The following GLIS3 variants were observed in gnomAD, a reference collection of about 807,000 sequenced individuals.
The protein encoded by GLIS3 is zinc finger protein GLIS3.
Under a neutral mutation model 78.6 loss-of-function variants are expected in GLIS3, and 53 were observed. That is an observed-to-expected ratio of 0.67 (90% CI 0.54 to 0.85). GLIS3 has a LOEUF of 0.85. GLIS3 is among the 40% of genes least tolerant of loss of function. The pLI is 0.00. For synonymous variants in GLIS3, 684 were observed against 509.9 expected (o/e 1.34, Z -4.60); for missense variants, 1,703 against 1,231.1 (o/e 1.38, Z -5.74).
chr9:3,925,940 G>T (rs984767116), intron 6 of GLIS3, among the ~76,000 whole-genome samples: 2 of 152,132 alleles, frequency 1.3e-5, no homozygotes, highest in Admixed American at 1.3e-4. Flanking sequence ...CAGTTTCCAA[G>T]AACCTACTGA....
At chr9:4,410,982 G>T in the GLIS3 span, among the ~76,000 whole-genome samples, 2 of 152,052 alleles carry the variant, frequency 1.3e-5, no homozygotes, top group African/African-American at 4.8e-5. Context: ...CCTAAAAAGG[G>T]TTATAATTCC....
chr9:4,286,415 C>T lies in GLIS3; in HGVS notation c.11G>A (p.Arg4Lys), dbSNP rs1461118274. Residue 4 changes from arginine to lysine, a missense_variant, in exon 2 of 11, where the codon AGA (arginine) becomes AAA (lysine). Physicochemically the swap from Arg to Lys is conservative, Grantham distance 26. Transcript: ENST00000381971. ...CCGGTGGAGACTCATGCTGCATGAT[C>T]TTCCATTCATTCTGAAAAACCTGTG... The part of the protein sequence containing the change: MNG[R>K]SCSMSLHRTS... 2 of 1,614,038 alleles carry T rather than the reference C, an allele frequency of 1.2e-6. No homozygotes were observed. Among genetic ancestry groups the T allele is most frequent in the African/African-American group, 1.3e-5 (1 of 75,048 alleles).
intron 2 of GLIS3, among the ~76,000 whole-genome samples, chr9:4,212,530 C>A (rs1397000332): frequency 6.6e-6 from 1 of 152,136 alleles, no homozygotes; most frequent in Non-Finnish European, 1.5e-5. Context: ...GTGTGTGCTA[C>A]AACAGGGGCA....
At position 3,871,550 on chromosome 9, in the gene GLIS3, T is replaced by A. The variant is rs886334889; in HGVS notation, c.2297+7877A>T. Among the ~76,000 whole-genome samples, 4 of 152,328 alleles carry A rather than the reference T, an allele frequency of 2.6e-5. No individual in the cohort carries two copies. In the East Asian group the frequency reaches 7.7e-4, roughly 29 times the overall value. On this transcript the variant is annotated intron_variant, in intron 8 of 10. Transcript: ENST00000381971. ...CAAACCTCAGTTCTTGACTTCTGTG[T>A]ACCCGCAGGCTCAACACCACATGGA...
chr9:4,413,574 T>C, the GLIS3 span, among the ~76,000 whole-genome samples: 1 of 152,082 alleles, frequency 6.6e-6, no homozygotes, highest in Admixed American at 6.6e-5. Flanking sequence ...GGGTAATCAT[T>C]AGCTTGCCAA....
At chr9:4,074,804 G>C (rs1301554371) in intron 4 of GLIS3, among the ~76,000 whole-genome samples, 1 of 152,104 alleles carries the variant, frequency 6.6e-6, no homozygotes, top group Non-Finnish European at 1.5e-5. Context: ...CATGATCTTG[G>C]TAACGAGATC....
the GLIS3 span, among the ~76,000 whole-genome samples, chr9:4,489,592 C>T: frequency 2.6e-5 from 4 of 152,148 alleles, no homozygotes; most frequent in African/African-American, 9.7e-5. Flanking sequence ...ATCAGAAATT[C>T]ACTTAGCAAC....
intron 4 of GLIS3, among the ~76,000 whole-genome samples, chr9:4,093,788 T>C (rs369946366): frequency 6.6e-6 from 1 of 152,116 alleles, no homozygotes; most frequent in African/African-American, 2.4e-5. Context: ...TATCTATATA[T>C]ATATTTTTAA....
chr9:4,057,852 T>C (rs1826276361), intron 4 of GLIS3, among the ~76,000 whole-genome samples: 1 of 152,174 alleles, frequency 6.6e-6, no homozygotes, highest in South Asian at 2.1e-4. Flanking sequence ...GTCTTGATGA[T>C]GGGCTTATGC....
At chr9:4,269,905 C>G (rs564201399) in intron 2 of GLIS3, among the ~76,000 whole-genome samples, 2 of 149,534 alleles carry the variant, frequency 1.3e-5, no homozygotes, top group Middle Eastern at 6.8e-3. Flanking sequence ...CAAGCCCAAA[C>G]AGAGTACCTA....
chr9:4,099,945 C>A (rs531583487), intron 4 of GLIS3, among the ~76,000 whole-genome samples: 28 of 152,270 alleles, frequency 1.8e-4, no homozygotes, highest in African/African-American at 6.5e-4. Context: ...TTCACTTGGG[C>A]AATTCTCTCA....
At chr9:4,324,287 G>A (rs890522320) in intron 2 of GLIS3, among the ~76,000 whole-genome samples, 2 of 152,192 alleles carry the variant, frequency 1.3e-5, no homozygotes, top group African/African-American at 4.8e-5. Context: ...AGCTTAGGAT[G>A]CTGACTTTTC....
chr9:4,181,551 T>C (rs1817325308), intron 2 of GLIS3, among the ~76,000 whole-genome samples: 6 of 152,212 alleles, frequency 3.9e-5, no homozygotes, highest in Admixed American at 2.6e-4. Flanking sequence ...ATTTAGAAAT[T>C]TTCCCACCAA....
chr9:3,952,351 C>A lies in GLIS3; in HGVS notation c.1711-15162G>T, dbSNP rs535129522. 1.4e-4 allele frequency among the ~76,000 whole-genome samples: 22 copies of A among 152,186 alleles called. 1 individual carries two copies. In the South Asian group the frequency reaches 2.7e-3, roughly 19 times the overall value. On this transcript the variant is annotated intron_variant, in intron 4 of 10. Transcript: ENST00000381971. ...CTTGTGGCTGATTTGAACCAGAAGC[C>A]CCCCCAGAGGCACCACCACCCAGGG...
the GLIS3 span, among the ~76,000 whole-genome samples, chr9:4,487,352 T>C: frequency 2.0e-4 from 30 of 152,204 alleles, no homozygotes; most frequent in Admixed American, 2.0e-3. Flanking sequence ...GGGAGTGTTC[T>C]AAGCCTTTCA....
chr9:4,123,591 G>C (rs1832348391), intron 3 of GLIS3: 1 of 356,238 alleles, frequency 2.8e-6, no homozygotes, highest in African/African-American at 2.1e-5. Context: ...ATCCTGGACA[G>C]GAAGAAGCCA....
At chr9:4,446,282 G>T in the GLIS3 span, among the ~76,000 whole-genome samples, 2 of 152,106 alleles carry the variant, frequency 1.3e-5, no homozygotes, top group Admixed American at 1.3e-4. Flanking sequence ...GTTGAAGGGG[G>T]TACCCTTGAC....
chr9:3,927,287 A>G (rs1825321441), intron 6 of GLIS3, among the ~76,000 whole-genome samples: 1 of 152,242 alleles, frequency 6.6e-6, no homozygotes, highest in African/African-American at 2.4e-5. Flanking sequence ...GTAGAAGAGT[A>G]GTTTGTTGAG....
At chr9:3,985,899 CT>C (rs1372844193) in intron 4 of GLIS3, among the ~76,000 whole-genome samples, 3 of 152,312 alleles carry the variant, frequency 2.0e-5, no homozygotes, top group Non-Finnish European at 2.9e-5. Flanking sequence ...AAAATTAAAA[CT>C]GTATAATATT....
Sources: allele counts gnomAD v4.1 joint callset (sites outside exome capture counted in the v4.1 genomes callset), GRCh38; gene constraint gnomAD v4.1.1; transcripts MANE v1.5; gene names NCBI Gene and HGNC (gene_info 2026-07-23, HGNC 2026-07-21).